TAS1R3: variants seen among roughly 807,000 people sequenced by gnomAD.
TAS1R3 encodes the protein taste 1 receptor member 3, also known as taste receptor type 1 member 3.
Under a neutral mutation model 46.1 loss-of-function variants are expected in TAS1R3, and 58 were observed. The observed-to-expected ratio is 1.26, with a 90% CI of 1.02 to 1.57. The LOEUF (loss-of-function observed/expected upper bound fraction) is 1.57, where lower values mean the gene tolerates loss of function less well. Ranked by LOEUF, TAS1R3 falls within the 40% of genes most tolerant of loss-of-function variation. The pLI is 0.00. For synonymous variants in TAS1R3, 724 were observed against 544.7 expected (o/e 1.33, Z -4.58); for missense variants, 1,422 against 1,185.8 (o/e 1.20, Z -2.93).
rs755004241 is a variant in TAS1R3, at chr1:1,332,646, AGT to A, written c.1119_1120del (p.Cys373Ter). ...GACGTGGTGGGCCAGCGCTGCCCGC[AGT>A]GTGACTGCATCACGCTGCAGAACGT... On this transcript the variant is annotated frameshift_variant, in exon 3 of 6. Transcript: ENST00000339381. LOFTEE classifies it high-confidence loss of function. 1 of 1,608,214 alleles carries A rather than the reference AGT, an allele frequency of 6.2e-7. No individual in the cohort carries two copies. The highest frequency in any genetic ancestry group is 8.5e-7 in the Non-Finnish European group (1 of 1,179,702).
At position 1,333,935 on chromosome 1, in the gene TAS1R3, G is replaced by A. The variant is rs758775252; in HGVS notation, c.2030G>A (p.Arg677Gln). 1.0e-5 allele frequency: 16 copies of A among 1,599,918 alleles called. No homozygotes were observed. The highest frequency in any genetic ancestry group is 4.4e-5 in the South Asian group (4 of 91,054). ...GCAGACCGGCTGAGTGGCTGCCTGCGGGGGCCCTGGGCCTGGCTGGTGGTG... is the reference window on the plus strand; with the variant it reads ...GCAGACCGGCTGAGTGGCTGCCTGCAGGGGCCCTGGGCCTGGCTGGTGGTG... The part of the protein sequence containing the change: ...SWADRLSGCL[R>Q]GPWAWLVVLL... The change falls in exon 6 of 6, where the codon CGG becomes CAG. Residue 677 changes from arginine (R) to glutamine (Q), a missense_variant. Coordinates refer to ENST00000339381, the MANE Select transcript of TAS1R3 (RefSeq NM_152228.3).
In TAS1R3 at chr1:1,333,474, C is replaced by T. The variant is rs368219453; in HGVS notation, c.1601-32C>T. On this transcript the variant is annotated intron_variant, in intron 5 of 5. Transcript: ENST00000339381. ...AGACCAGAGCCCACAGGGTACAAGACGAACACCCAGCGCCCTTCTCCTCTC... is the reference window on the plus strand; with the variant it reads ...AGACCAGAGCCCACAGGGTACAAGATGAACACCCAGCGCCCTTCTCCTCTC... 252 of 1,599,622 alleles carry T rather than the reference C, an allele frequency of 1.6e-4. 1 individual carries two copies. The Middle Eastern group carries it at 4.1e-3, about 26-fold the overall frequency.
Position 1,331,339 on chromosome 1 carries a change from C to T in TAS1R3, c.-7C>T. 2.6e-6 allele frequency: 4 copies of T among 1,562,546 alleles called. No individual in the cohort carries two copies. The highest frequency in any genetic ancestry group is 2.3e-5 in the East Asian group (1 of 43,750). ...ACCTGCCGTGCCTGTTGGAAGTTGC[C>T]TCTGCCATGCTGGGCCCTGCTGTCC... On this transcript the variant is annotated 5_prime_UTR_variant, in exon 1 of 6. Transcript: ENST00000339381.
In TAS1R3 at chr1:1,332,683, G is replaced by C; in HGVS notation, c.1152G>C (p.Gly384=). ...DCITLQNVSA[G]LNHHQTFSVY... ...TCACGCTGCAGAACGTGAGCGCAGG[G>C]CTAAATCACCACCAGACGTTCTCTG... is the stretch of plus-strand genomic sequence containing the variant. The change falls in exon 3 of 6, where the codon GGG becomes GGC. Residue 384 remains glycine, a synonymous_variant. Coordinates refer to ENST00000339381, the MANE Select transcript of TAS1R3 (RefSeq NM_152228.3). 1.2e-6 allele frequency: 2 copies of C among 1,604,932 alleles called. No homozygotes were observed. Among genetic ancestry groups the C allele is most frequent in the Non-Finnish European group, 1.7e-6 (2 of 1,179,590 alleles).
Position 1,334,002 on chromosome 1 carries a change from CCTGGTGG to C in TAS1R3, c.2099_2105del (p.Leu700ProfsTer7), listed in dbSNP as rs1220212940. The C allele has an allele frequency of 1.2e-6, 2 of 1,600,276 alleles. No individual in the cohort carries two copies. The highest frequency in any genetic ancestry group is 2.7e-5 in the African/African-American group (2 of 74,258). ...TGGAGGTCGCACTGTGCACCTGGTA[CCTGGTGG>C]CCTTCCCGCCGGAGGTGGTGACGGA... On this transcript the variant is annotated frameshift_variant, in exon 6 of 6. Transcript: ENST00000339381. LOFTEE classifies it low-confidence loss of function (END_TRUNC).
chr1:1,331,722 G>T lies in TAS1R3; in HGVS notation c.276G>T (p.Gly92=), dbSNP rs1643430454. 1.9e-6 allele frequency: 3 copies of T among 1,612,930 alleles called. No homozygotes were observed. Among genetic ancestry groups the T allele is most frequent in the Non-Finnish European group, 1.7e-6 (2 of 1,180,004 alleles). Residue 92 remains glycine (G), a synonymous_variant, in exon 2 of 6, where the codon GGG becomes GGT. Transcript: ENST00000339381. Reference sequence around the variant, plus strand: ...ACAACAAGTCGGATCTGCTGCCCGGGCTGCGCCTGGGCTACGACCTCTTTG... The same window carrying T: ...ACAACAAGTCGGATCTGCTGCCCGGTCTGCGCCTGGGCTACGACCTCTTTG... ...EINNKSDLLP[G]LRLGYDLFDT... is the part of the protein sequence containing the mutation.
At position 1,332,079 on chromosome 1, in the gene TAS1R3, T is replaced by C. The variant is rs1312510042; in HGVS notation, c.548T>C (p.Phe183Ser). Residue 183 changes from phenylalanine to serine, a missense_variant, in exon 3 of 6, where the codon TTC becomes TCC. Transcript: ENST00000339381. ...LLSARETFPSFFRTVPSDRVQ... is the reference protein window; with the variant it reads ...LLSARETFPSSFRTVPSDRVQ... ...AGCGCCCGGGAGACCTTCCCCTCCT[T>C]CTTCCGCACCGTGCCCAGCGACCGT... 1 of 1,602,464 alleles carries C rather than the reference T, an allele frequency of 6.2e-7. No individual in the cohort carries two copies. Among genetic ancestry groups the C allele is most frequent in the African/African-American group, 1.3e-5 (1 of 74,964 alleles).
chr1:1,333,632 T>C lies in TAS1R3; in HGVS notation c.1727T>C (p.Leu576Pro), dbSNP rs1313459373. The change falls in exon 6 of 6, where the codon CTG becomes CCG. Residue 576 changes from leucine to proline, a missense_variant. Leu to Pro is a moderately conservative substitution (Grantham distance 98). Coordinates refer to ENST00000339381, the MANE Select transcript of TAS1R3 (RefSeq NM_152228.3). ...GCTGTGCTGCTGCTGCTCCTGCTGC[T>C]GAGCCTGGCGCTGGGCCTTGTGCTG... is the stretch of plus-strand genomic sequence containing the variant. ...EPAVLLLLLL[L>P]SLALGLVLAA... 2 of 1,611,686 alleles carry C rather than the reference T, an allele frequency of 1.2e-6. No individual in the cohort carries two copies. Among genetic ancestry groups the C allele is most frequent in the South Asian group, 1.1e-5 (1 of 91,082 alleles).
rs775545181 is a variant in TAS1R3, at chr1:1,332,249, G to A, written c.718G>A (p.Glu240Lys). 9.4e-6 allele frequency: 15 copies of A among 1,596,350 alleles called. No homozygotes were observed. The highest frequency in any genetic ancestry group is 6.7e-5 in the East Asian group (3 of 44,584). ...AAARGICIAH[E>K]GLVPLPRADD... ...GGCACGCGGCATCTGCATCGCGCAC[G>A]AGGGCCTGGTGCCGCTGCCCCGTGC... is the stretch of plus-strand genomic sequence containing the variant. Residue 240 changes from glutamate to lysine, a missense_variant, in exon 3 of 6, where the codon GAG becomes AAG. Glu to Lys is a moderately conservative substitution (Grantham distance 56). Coordinates refer to ENST00000339381, the MANE Select transcript of TAS1R3 (RefSeq NM_152228.3).
Position 1,331,958 on chromosome 1 carries a change from A to AACCC in TAS1R3, c.492+20_492+21insACCC. The AACCC allele has an allele frequency of 6.5e-7, 1 of 1,539,222 alleles. No homozygotes were observed. The highest frequency in any genetic ancestry group is 8.8e-7 in the Non-Finnish European group (1 of 1,141,746). ...CCCCAGGTGGGCGCCCCCCACCATC[A>AACCC]CCCACCCCCACCCAGCCCTGCCCGT... On this transcript the variant is annotated intron_variant, in intron 2 of 5. Coordinates refer to ENST00000339381, the MANE Select transcript of TAS1R3 (RefSeq NM_152228.3).
chr1:1,331,352 G>A lies in TAS1R3; in HGVS notation c.7G>A (p.Gly3Ser). ...GTTGGAAGTTGCCTCTGCCATGCTG[G>A]GCCCTGCTGTCCTGGGCCTCAGCCT... MLGPAVLGLSLWA... is the reference protein window; with the variant it reads MLSPAVLGLSLWA... The change falls in exon 1 of 6, where the codon GGC (glycine) becomes AGC (serine). Residue 3 changes from glycine to serine, a missense_variant. By Grantham distance (56) the Gly-to-Ser change is moderately conservative. Transcript: ENST00000339381. The A allele has an allele frequency of 6.3e-7, 1 of 1,579,294 alleles. No individual in the cohort carries two copies. Among genetic ancestry groups the A allele is most frequent in the Non-Finnish European group, 8.6e-7 (1 of 1,163,866 alleles).
At position 1,332,320 on chromosome 1, in the gene TAS1R3, G is replaced by C; in HGVS notation, c.789G>C (p.Val263=). 6.2e-7 allele frequency: 1 copy of C among 1,607,256 alleles called. No homozygotes were observed. Among genetic ancestry groups the C allele is most frequent in the Non-Finnish European group, 8.5e-7 (1 of 1,178,864 alleles). Residue 263 remains valine (V), a synonymous_variant, in exon 3 of 6, where the codon GTG becomes GTC. Transcript: ENST00000339381. ...AGGTGCAGGACGTCCTGCACCAGGT[G>C]AACCAGAGCAGCGTGCAGGTGGTGC... ...LGKVQDVLHQ[V]NQSSVQVVLL...
In TAS1R3 at chr1:1,333,979, G is replaced by A. The variant is rs760456378; in HGVS notation, c.2074G>A (p.Glu692Lys). The A allele has an allele frequency of 1.4e-5, 23 of 1,600,926 alleles. No individual in the cohort carries two copies. The highest frequency in any genetic ancestry group is 1.9e-5 in the Non-Finnish European group (22 of 1,179,784). Residue 692 changes from glutamate (E) to lysine (K), a missense_variant, in exon 6 of 6, where the codon GAG (glutamate) becomes AAG (lysine). Transcript: ENST00000339381. The stretch of plus-strand genomic sequence containing the variant: ...GGTGGTGCTGCTGGCCATGCTGGTG[G>A]AGGTCGCACTGTGCACCTGGTACCT... ...WLVVLLAMLV[E>K]VALCTWYLVA...
chr1:1,334,609 C>T lies in TAS1R3; in HGVS notation c.*145C>T, dbSNP rs1172748562. 1 of 936,274 alleles carries T rather than the reference C, an allele frequency of 1.1e-6. No individual in the cohort carries two copies. Among genetic ancestry groups the T allele is most frequent in the Non-Finnish European group, 1.5e-6 (1 of 646,096 alleles). The allele number at this position is 936,274 out of a possible 1,614,324, so 58.0% of individuals were successfully genotyped here. On this transcript the variant is annotated 3_prime_UTR_variant, in exon 6 of 6. Coordinates refer to ENST00000339381, the MANE Select transcript of TAS1R3 (RefSeq NM_152228.3). Reference sequence around the variant, plus strand: ...CTCCTGACCCTGACCCCACAGTGAGCCCTAGGCCTGGAGCACGTGGACACC... The same window carrying T: ...CTCCTGACCCTGACCCCACAGTGAGTCCTAGGCCTGGAGCACGTGGACACC...
chr1:1,332,133 TGCA>T lies in TAS1R3; in HGVS notation c.604_606del (p.Gln202del). On this transcript the variant is annotated inframe_deletion, in exon 3 of 6. Transcript: ENST00000339381. ...CAGCTGACGGCCGCCGCGGAGCTGC[TGCA>T]GGAGTTCGGCTGGAACTGGGTGGCC... 6.3e-7 allele frequency: 1 copy of T among 1,599,350 alleles called. No individual in the cohort carries two copies.
chr1:1,332,662 G>A lies in TAS1R3; in HGVS notation c.1131G>A (p.Thr377=), dbSNP rs757543523. ...GCTGCCCGCAGTGTGACTGCATCACGCTGCAGAACGTGAGCGCAGGGCTAA... is the reference window on the plus strand; with the variant it reads ...GCTGCCCGCAGTGTGACTGCATCACACTGCAGAACGTGAGCGCAGGGCTAA... ...GQRCPQCDCI[T]LQNVSAGLNH... The change falls in exon 3 of 6, where the codon ACG becomes ACA. Residue 377 remains threonine (T), a synonymous_variant. Coordinates refer to ENST00000339381, the MANE Select transcript of TAS1R3 (RefSeq NM_152228.3). 2.6e-5 allele frequency: 42 copies of A among 1,606,692 alleles called. No homozygotes were observed. The highest frequency in any genetic ancestry group is 3.4e-5 in the Non-Finnish European group (40 of 1,179,562).
chr1:1,334,248 C>T lies in TAS1R3; in HGVS notation c.2343C>T (p.Leu781=), dbSNP rs775499172. The T allele has an allele frequency of 6.9e-5, 111 of 1,611,746 alleles. 2 individuals are homozygous for T. Among genetic ancestry groups the T allele is most frequent in the South Asian group, 5.8e-4 (53 of 90,766 alleles). Residue 781 remains leucine (L), a synonymous_variant, in exon 6 of 6, where the codon CTC becomes CTT. Coordinates refer to ENST00000339381, the MANE Select transcript of TAS1R3 (RefSeq NM_152228.3). The stretch of plus-strand genomic sequence containing the variant: ...TCACCTGGGTCTCCTTTGTGCCCCT[C>T]CTGGCCAATGTGCAGGTGGTCCTCA... ...YFITWVSFVP[L]LANVQVVLRP...
rs1402350926 is a variant in TAS1R3, at chr1:1,332,800, C to G, written c.1269C>G (p.Pro423=). The G allele has an allele frequency of 1.2e-6, 2 of 1,603,840 alleles. No homozygotes were observed. Among genetic ancestry groups the G allele is most frequent in the Admixed American group, 3.3e-5 (2 of 59,864 alleles). ...SGCPAQDPVK[P]WQLLENMYNL... is the part of the protein sequence containing the mutation. ...GCCCCGCGCAGGACCCCGTGAAGCC[C>G]TGGCAGGTGAGCCCGGGAGATGGGG... Residue 423 remains proline, a synonymous_variant, in exon 3 of 6, where the codon CCC becomes CCG. Transcript: ENST00000339381.
Position 1,331,461 on chromosome 1 carries a change from G to T in TAS1R3, c.116G>T (p.Gly39Val), listed in dbSNP as rs577691125. The stretch of plus-strand genomic sequence containing the variant: ...ATGAAGGGGGACTACGTGCTGGGGG[G>T]GCTGTTCCCCCTGGGCGAGGCCGAG... ...LRMKGDYVLG[G>V]LFPLGEAEEA... Residue 39 changes from glycine to valine, a missense_variant, in exon 1 of 6, where the codon GGG (glycine) becomes GTG (valine). Physicochemically the swap from Gly to Val is moderately radical, Grantham distance 109. Coordinates refer to ENST00000339381, the MANE Select transcript of TAS1R3 (RefSeq NM_152228.3). The T allele has an allele frequency of 8.1e-6, 13 of 1,605,474 alleles. No individual in the cohort carries two copies. The highest frequency in any genetic ancestry group is 1.3e-5 in the African/African-American group (1 of 74,480).
Sources: allele counts gnomAD v4.1 joint callset, GRCh38; gene constraint gnomAD v4.1.1; transcripts MANE v1.5; gene names NCBI Gene and HGNC (gene_info 2026-07-23, HGNC 2026-07-21).